ROBO2: variants seen among roughly 807,000 people sequenced by gnomAD.
ROBO2 encodes roundabout homolog 2.
A neutral mutation model predicts 160.8 loss-of-function variants in ROBO2; 53 were observed. That is an observed-to-expected ratio of 0.33 (90% CI 0.26 to 0.41). The LOEUF (loss-of-function observed/expected upper bound fraction) is 0.41, where lower values mean the gene tolerates loss of function less well. Ranked by LOEUF, ROBO2 falls within the 10% of genes least tolerant of loss-of-function variation. ROBO2 has a pLI of 1.00. For missense variants in ROBO2, 1,577 were observed against 1,722.4 expected, an observed-to-expected ratio of 0.92 and a Z score of 1.49; for synonymous variants, 664 against 611.7, an observed-to-expected ratio of 1.09 and a Z score of -1.26.
At chr3:76,186,460 C>G (rs1452366449) in intron 2 of ROBO2, among the ~76,000 whole-genome samples, 1 of 152,008 alleles carries the variant, frequency 6.6e-6, no homozygotes, top group East Asian at 1.9e-4. Context: ...CCTTCCAGCA[C>G]TAAACCTAAA....
chr3:76,351,120 A>G (rs1485227572), intron 2 of ROBO2, among the ~76,000 whole-genome samples: 1 of 151,942 alleles, frequency 6.6e-6, no homozygotes, highest in East Asian at 1.9e-4. Flanking sequence ...CAATAAAATA[A>G]TGATATATGT....
chr3:76,989,015 T>G (rs552980079), intron 2 of ROBO2, among the ~76,000 whole-genome samples: 53 of 150,446 alleles, frequency 3.5e-4, no homozygotes, highest in African/African-American at 1.3e-3. Context: ...TCCTGTATTT[T>G]CATATGTATT....
chr3:77,640,096 C>CTTTTTTT (rs1559785171), intron 24 of ROBO2, among the ~76,000 whole-genome samples: 9 of 97,480 alleles, frequency 9.2e-5, no homozygotes, highest in South Asian at 3.4e-4. Context: ...GCAGAGGAAG[C>CTTTTTTT]ATTTTTTTTT....
chr3:75,936,673 A>G (rs1576208638), intron 1 of ROBO2, among the ~76,000 whole-genome samples: 1 of 152,090 alleles, frequency 6.6e-6, no homozygotes, highest in East Asian at 1.9e-4. Context: ...TTTGACACTT[A>G]TCCATATTAG....
chr3:77,565,259 A>G, intron 12 of ROBO2, 139 bp downstream of exon 13: 1 of 1,023,680 alleles, frequency 9.8e-7, no homozygotes. Context: ...AGGGAAGGAG[A>G]AGGTAGCTTG....
intron 2 of ROBO2, among the ~76,000 whole-genome samples, chr3:76,647,854 A>G (rs1353903179): frequency 1.3e-5 from 2 of 152,190 alleles, no homozygotes. Context: ...GCTGTAAAGT[A>G]AATGTGGGGG....
chr3:76,471,800 T>C (rs1278414783), intron 2 of ROBO2, among the ~76,000 whole-genome samples: 17 of 152,052 alleles, frequency 1.1e-4, no homozygotes, highest in Admixed American at 1.1e-3. Context: ...CTTACAATCA[T>C]GGCAGAAGGG....
At chr3:76,880,239 C>T (rs2073196027) in intron 2 of ROBO2, among the ~76,000 whole-genome samples, 1 of 152,130 alleles carries the variant, frequency 6.6e-6, no homozygotes, top group Admixed American at 6.6e-5. Context: ...CTCAAAACAT[C>T]TACTTTCATA....
chr3:77,424,407 A>T (rs998747955), intron 2 of ROBO2, among the ~76,000 whole-genome samples: 30 of 152,168 alleles, frequency 2.0e-4, no homozygotes, highest in African/African-American at 7.0e-4. Context: ...ATATGCTTTT[A>T]CCCAGGGGAT....
chr3:76,562,456 TC>T (rs1383910095), intron 2 of ROBO2, among the ~76,000 whole-genome samples: 1 of 151,756 alleles, frequency 6.6e-6, no homozygotes, highest in East Asian at 2.0e-4. Context: ...TCTCTCTCTC[TC>T]TCTCTCTCAA....
At chr3:77,356,401 A>G (rs562698954) in intron 2 of ROBO2, among the ~76,000 whole-genome samples, 4 of 152,260 alleles carry the variant, frequency 2.6e-5, no homozygotes, top group African/African-American at 9.6e-5. Context: ...AGAGAGTAAG[A>G]GAGACTAAAT....
chr3:76,576,482 T>G (rs1379713242), intron 2 of ROBO2, among the ~76,000 whole-genome samples: 1 of 152,100 alleles, frequency 6.6e-6, no homozygotes, highest in Admixed American at 6.6e-5. Flanking sequence ...TTTCTAGCTC[T>G]GCAAAGCATC....
At chr3:76,785,034 T>C (rs891222482) in intron 2 of ROBO2, among the ~76,000 whole-genome samples, 1 of 151,170 alleles carries the variant, frequency 6.6e-6, no homozygotes, top group Admixed American at 6.6e-5. Flanking sequence ...GTATTCTTAT[T>C]TGTGGTTTGT....
intron 2 of ROBO2, among the ~76,000 whole-genome samples, chr3:77,227,512 T>C (rs931223587): frequency 3.3e-5 from 5 of 152,226 alleles, no homozygotes; most frequent in African/African-American, 1.2e-4. Flanking sequence ...TTTTGATATT[T>C]TAATGCACTT....
At chr3:76,657,411 A>G (rs2091587248) in intron 2 of ROBO2, among the ~76,000 whole-genome samples, 1 of 149,786 alleles carries the variant, frequency 6.7e-6, no homozygotes, top group Non-Finnish European at 1.5e-5. Flanking sequence ...GGCCACAGAG[A>G]GAGACTCCGT....
chr3:76,360,917 T>C (rs2075478012), intron 2 of ROBO2, among the ~76,000 whole-genome samples: 1 of 152,024 alleles, frequency 6.6e-6, no homozygotes, highest in African/African-American at 2.4e-5. Flanking sequence ...AAAAAGACTT[T>C]GTGAGGATAT....
chr3:77,132,859 T>C (rs1408735949), intron 2 of ROBO2, among the ~76,000 whole-genome samples: 2 of 152,278 alleles, frequency 1.3e-5, no homozygotes, highest in African/African-American at 2.4e-5. Flanking sequence ...TCAACAAATA[T>C]GTTTTGAACA....
At chr3:76,873,930 A>T (rs1473357868) in intron 2 of ROBO2, among the ~76,000 whole-genome samples, 1 of 152,132 alleles carries the variant, frequency 6.6e-6, no homozygotes, top group Non-Finnish European at 1.5e-5. Flanking sequence ...TAATTTGATT[A>T]TTGACCCCTG....
chr3:77,458,592 CTT>C lies in ROBO2; in HGVS notation c.389-18811_389-18810del, dbSNP rs67051518. 2.5e-3 allele frequency among the ~76,000 whole-genome samples: 365 copies of C among 147,932 alleles called. 2 individuals are homozygous for C. Among genetic ancestry groups the C allele is most frequent in the African/African-American group, 7.3e-3 (295 of 40,436 alleles). ...CTTTTGTTCTCCAGTTTTTGTTTTT[CTT>C]TTTTTTTTTTATGAAAAAAAGGCAA... On this transcript the variant is annotated intron_variant, in intron 2 of 25. Coordinates refer to ENST00000461745, the Ensembl canonical transcript of ROBO2.
Sources: gnomAD v4.1 joint callset for allele counts (sites outside exome capture counted in the v4.1 genomes callset) on GRCh38, gnomAD v4.1.1 for gene constraint, MANE v1.5 for transcripts, NCBI Gene and HGNC (gene_info 2026-07-23, HGNC 2026-07-21) for gene names.